The following KCNH1 variants were observed in gnomAD, a reference collection of about 807,000 sequenced individuals.
KCNH1 encodes the protein potassium voltage-gated channel subfamily H member 1.
KCNH1 carries 27 observed loss-of-function variants against 69.2 expected under a neutral mutation model. That is an observed-to-expected ratio of 0.39 (90% confidence interval 0.29 to 0.54). The LOEUF is 0.54. Ranked by LOEUF, KCNH1 falls within the 20% of genes least tolerant of loss-of-function variation. KCNH1 has a pLI of 0.68. For missense variants in KCNH1, 798 were observed against 1,261.6 expected, an observed-to-expected ratio of 0.63 and a Z score of 5.57; for synonymous variants, 456 against 487.7, an observed-to-expected ratio of 0.93 and a Z score of 0.86.
intron 7 of KCNH1, among the ~76,000 whole-genome samples, chr1:210,864,933 C>T (rs930573407): frequency 3.9e-5 from 6 of 152,162 alleles, no homozygotes; most frequent in Non-Finnish European, 8.8e-5. Context: ...ATACATGGCC[C>T]TTCCATGTGG....
chr1:210,961,934 T>C (rs1204961003), intron 6 of KCNH1, among the ~76,000 whole-genome samples: 2 of 152,206 alleles, frequency 1.3e-5, no homozygotes, highest in African/African-American at 4.8e-5. Flanking sequence ...TGCTAGTTGA[T>C]GGGAACTATT....
chr1:210,761,684 C>G (rs1404463997), intron 10 of KCNH1, among the ~76,000 whole-genome samples: 1 of 152,028 alleles, frequency 6.6e-6, no homozygotes, highest in Non-Finnish European at 1.5e-5. Context: ...TTCAAATCAA[C>G]AAGAACACTT....
At chr1:210,986,593 AG>A (rs1485436312) in intron 6 of KCNH1, among the ~76,000 whole-genome samples, 1 of 152,158 alleles carries the variant, frequency 6.6e-6, no homozygotes, top group African/African-American at 2.4e-5. Flanking sequence ...CTTTTCTTTA[AG>A]AATGTTGAAT....
intron 1 of KCNH1, among the ~76,000 whole-genome samples, chr1:211,117,025 C>G (rs1691594822): frequency 6.6e-6 from 1 of 152,180 alleles, no homozygotes; most frequent in Non-Finnish European, 1.5e-5. Context: ...TCCAAGATTC[C>G]AAGGGTATTG....
At chr1:211,014,676 G>A (rs772225337) in intron 6 of KCNH1, among the ~76,000 whole-genome samples, 4 of 152,066 alleles carry the variant, frequency 2.6e-5, no homozygotes, top group Non-Finnish European at 4.4e-5. Flanking sequence ...CACAGCTCAC[G>A]TCCTTCTTTG....
chr1:211,013,398 G>A (rs1177055511), intron 6 of KCNH1, among the ~76,000 whole-genome samples: 1 of 152,026 alleles, frequency 6.6e-6, no homozygotes, highest in Admixed American at 6.6e-5. Flanking sequence ...CTCAGGTTAG[G>A]GCCACACAGG....
chr1:210,891,715 T>C lies in KCNH1; in HGVS notation c.1462+27925A>G, dbSNP rs565683343. ...TTGACCCAGCAATCCTATTACTGGG[T>C]ATATACCCAAAGGATTATAAATCAT... On this transcript the variant is annotated intron_variant, in intron 7 of 10. Transcript: ENST00000271751. Among the ~76,000 whole-genome samples, 21 of 152,232 alleles carry C rather than the reference T, an allele frequency of 1.4e-4. No individual in the cohort carries two copies. In the East Asian group the frequency reaches 3.9e-3, roughly 28 times the overall value.
chr1:211,054,915 C>T (rs1426006509), intron 5 of KCNH1, among the ~76,000 whole-genome samples: 1 of 151,978 alleles, frequency 6.6e-6, no homozygotes, highest in Non-Finnish European at 1.5e-5. Flanking sequence ...ATAAACAAAA[C>T]ACAAATTAGA....
At position 211,079,485 on chromosome 1, in the gene KCNH1, G is replaced by C. The variant is rs1053983962; in HGVS notation, c.558+3295C>G. 1.3e-5 allele frequency among the ~76,000 whole-genome samples: 2 copies of C among 152,182 alleles called. 1 individual carries two copies. The highest frequency in any genetic ancestry group is 4.1e-4 in the South Asian group (2 of 4,824). ...CATTTTACGAGGCCAGCATCATCCTGATACCAAAGCCTGGCAGAAACACAA... is the reference window on the plus strand; with the variant it reads ...CATTTTACGAGGCCAGCATCATCCTCATACCAAAGCCTGGCAGAAACACAA... On this transcript the variant is annotated intron_variant, in intron 5 of 10. Transcript: ENST00000271751.
At chr1:211,002,540 A>T (rs1157439317) in intron 6 of KCNH1, among the ~76,000 whole-genome samples, 1 of 152,106 alleles carries the variant, frequency 6.6e-6, no homozygotes, top group East Asian at 1.9e-4. Flanking sequence ...TTATGGAGTT[A>T]TTGAATGTAG....
intron 6 of KCNH1, among the ~76,000 whole-genome samples, chr1:210,925,163 A>C (rs1687542403): frequency 6.6e-6 from 1 of 152,224 alleles, no homozygotes; most frequent in African/African-American, 2.4e-5. Context: ...CCAAAAGTAA[A>C]GGAAATCTAT....
rs764512550 is a variant in KCNH1 at position 210,683,547 on chromosome 1, C to G, written c.2704G>C (p.Asp902His). The change falls in exon 11 of 11, where the codon GAT becomes CAT. Residue 902 changes from aspartate (D) to histidine (H), a missense_variant. Asp to His is a moderately conservative substitution (Grantham distance 81, BLOSUM62 -1). Around this residue, in one of 4 missense-constraint regions of KCNH1, gnomAD observed 331 missense variants for 363.2 expected, o/e 0.91. Transcript: ENST00000271751. The surrounding 1 kb of genome is among the most constrained non-coding windows in gnomAD (Gnocchi z 5.7). ...DNVGEARSPQ[D>H]RSPILAEVKH... ...ACCTCTGCCAGGATGGGACTCCGAT[C>G]CTGGGGACTCCTGGCCTCACCCACG... The G allele has an allele frequency of 6.2e-7, 1 of 1,614,106 alleles. No homozygotes were observed. Among genetic ancestry groups the G allele is most frequent in the Admixed American group, 1.7e-5 (1 of 60,018 alleles).
In KCNH1 at chr1:210,860,924, T is replaced by A; in HGVS notation, c.1463-56758A>T. Reference sequence around the variant, plus strand: ...ACATGATTCTGCAACATGTATTCCATCTGATCATTACAGATCTTTTTCTTC... The same window carrying A: ...ACATGATTCTGCAACATGTATTCCAACTGATCATTACAGATCTTTTTCTTC... On this transcript the variant is annotated intron_variant, in intron 7 of 10. Transcript: ENST00000271751. The A allele has an allele frequency of 3.2e-6, 3 of 944,422 alleles. No homozygotes were observed. In the South Asian group the frequency reaches 3.9e-5, roughly 12 times the overall value. 58.5% of individuals were successfully genotyped at this position (944,422 alleles called of 1,614,324 possible). A position where few individuals can be genotyped will look rare whatever the true frequency, so the allele number is the denominator to read the frequency against.
At chr1:210,983,338 C>G (rs1442702993) in intron 6 of KCNH1, among the ~76,000 whole-genome samples, 2 of 152,160 alleles carry the variant, frequency 1.3e-5, no homozygotes, top group Non-Finnish European at 2.9e-5. Context: ...GTCATGAAGT[C>G]CTTGCCCACG....
intron 5 of KCNH1, among the ~76,000 whole-genome samples, chr1:211,031,535 C>T (rs572274488): frequency 1.3e-5 from 2 of 152,240 alleles, no homozygotes; most frequent in East Asian, 3.9e-4. Context: ...CATCAAAAAG[C>T]TTATCCATGA....
chr1:210,705,669 GC>G (rs1487527721), intron 10 of KCNH1, among the ~76,000 whole-genome samples: 1 of 152,184 alleles, frequency 6.6e-6, no homozygotes, highest in Non-Finnish European at 1.5e-5. Context: ...GGATCTCAGG[GC>G]TTTCAACTCT....
chr1:210,860,146 T>C lies in KCNH1; in HGVS notation c.1463-55980A>G. 6 of 1,159,494 alleles carry C rather than the reference T, an allele frequency of 5.2e-6. No homozygotes were observed. The South Asian group carries it at 7.3e-5, about 14-fold the overall frequency. 71.8% of individuals were successfully genotyped at this position (1,159,494 alleles called of 1,614,324 possible). The stretch of plus-strand genomic sequence containing the variant: ...CATACTGTATATCATTTCAAGATAC[T>C]TGGTATCAGACAGAAGTGTCTTGGT... On this transcript the variant is annotated intron_variant, in intron 7 of 10. Coordinates refer to ENST00000271751, the MANE Select transcript of KCNH1 (RefSeq NM_172362.3).
At chr1:211,122,919 G>A (rs868859691) in intron 1 of KCNH1, among the ~76,000 whole-genome samples, 27 of 151,472 alleles carry the variant, frequency 1.8e-4, no homozygotes, top group African/African-American at 5.8e-4. Flanking sequence ...AAACCTGCAC[G>A]TTCTGCATAT....
intron 7 of KCNH1, among the ~76,000 whole-genome samples, chr1:210,810,486 A>G (rs1684680181): frequency 6.6e-6 from 1 of 151,966 alleles, no homozygotes. Flanking sequence ...CTCCATTTCT[A>G]TATTTTCTTT....
Sources: gnomAD v4.1 joint callset for allele counts (sites outside exome capture counted in the v4.1 genomes callset) on GRCh38, gnomAD v4.1.1 for gene constraint, gnomAD v4.1.1 regional missense constraint, Gnocchi (gnomAD v3.1) non-coding constraint, MANE v1.5 for transcripts, NCBI Gene and HGNC (gene_info 2026-07-23, HGNC 2026-07-21) for gene names.